The following TSHZ3 variants were observed in gnomAD, a reference collection of about 807,000 sequenced individuals.
TSHZ3 encodes teashirt zinc finger homeobox 3, also known as teashirt homolog 3.
TSHZ3 carries 10 observed loss-of-function variants against 64.5 expected under a neutral mutation model. The ratio of observed to expected loss-of-function variants is 0.16; its 90% CI spans 0.10 to 0.26. TSHZ3 has a LOEUF of 0.26. Among genes scored for constraint, TSHZ3 ranks in the 10% least tolerant of loss-of-function variants. The pLI is 1.00. For synonymous variants in TSHZ3, 608 were observed against 593.1 expected (o/e 1.03, Z -0.36); for missense variants, 1,242 against 1,421.7 (o/e 0.87, Z 2.03).
chr19:31,321,179 G>C (rs1175898470), intron 1 of TSHZ3, among the ~76,000 whole-genome samples: 1 of 152,202 alleles, frequency 6.6e-6, no homozygotes, highest in African/African-American at 2.4e-5. Context: ...ACCAAGGCCT[G>C]GCCAGCTCCT....
chr19:31,195,779 T>C lies in TSHZ3; in HGVS notation n.809+9177A>G, dbSNP rs976115530. 6.6e-5 allele frequency: 10 copies of C among 152,184 alleles called. No individual in the cohort carries two copies. In the South Asian group the frequency reaches 1.0e-3, roughly 16 times the overall value. The allele number at this position is 152,184 out of a possible 1,614,324, so 9.4% of individuals were successfully genotyped here. On this transcript the variant is annotated intron_variant and non_coding_transcript_variant, in intron 5 of 6. Transcript: ENST00000651361. ...AAAATAGCAAAAATGTATTTGATTA[T>C]GTATGTGTTTTTGTATACATGCATA... is the stretch of plus-strand genomic sequence containing the variant.
At chr19:31,323,988 G>A (rs982725287) in intron 1 of TSHZ3, among the ~76,000 whole-genome samples, 9 of 151,844 alleles carry the variant, frequency 5.9e-5, no homozygotes, top group African/African-American at 9.7e-5. Flanking sequence ...AGGCATCACC[G>A]AGGGCTCAGG....
chr19:31,278,837 G>A lies in TSHZ3; in HGVS notation c.956C>T (p.Ala319Val), dbSNP rs377716978. The A allele has an allele frequency of 9.9e-6, 16 of 1,614,054 alleles. No individual in the cohort carries two copies. The African/African-American group carries it at 2.0e-4, about 20-fold the overall frequency. Residue 319 changes from alanine (A) to valine (V), a missense_variant, in exon 2 of 2, where the codon GCC becomes GTC. Coordinates refer to ENST00000240587, the MANE Select transcript of TSHZ3 (RefSeq NM_020856.4). The surrounding 1 kb of genome is among the most constrained non-coding windows in gnomAD (Gnocchi z 4.7). ...VTPVAAKIIP[A>V]TRKKASLELE... Reference sequence around the variant, plus strand: ...CTCCAGGGAAGCTTTCTTCCGAGTGGCAGGGATGATTTTGGCGGCGACAGG... The same window carrying A: ...CTCCAGGGAAGCTTTCTTCCGAGTGACAGGGATGATTTTGGCGGCGACAGG...
intron 5 of TSHZ3, among the ~76,000 whole-genome samples, chr19:31,176,158 G>A (rs1974603686): frequency 6.6e-6 from 1 of 152,134 alleles, no homozygotes; most frequent in Admixed American, 6.5e-5. Flanking sequence ...CTGAGGCAAG[G>A]CCAGGTGGTG....
At chr19:31,210,212 A>G (rs150338902) in intron 4 of TSHZ3, among the ~76,000 whole-genome samples, 155 of 152,282 alleles carry the variant, frequency 1.0e-3, no homozygotes, top group Admixed American at 2.4e-3. Flanking sequence ...CTTGGCCTAT[A>G]GAGGCACAGG....
intron 1 of TSHZ3, among the ~76,000 whole-genome samples, chr19:31,247,855 A>AGT (rs34849874): frequency 0.018 from 2,665 of 150,580 alleles, 52 homozygotes; most frequent in African/African-American, 0.047. Context: ...ACACAATTAC[A>AGT]GTGTGTGTGT....
chr19:31,214,909 G>GAAAAAAAAA (rs950173415), intron 4 of TSHZ3, among the ~76,000 whole-genome samples: 1 of 41,856 alleles, frequency 2.4e-5, no homozygotes, highest in Non-Finnish European at 5.1e-5. Context: ...CTCTGTCTCA[G>GAAAAAAAAA]AAAAAAAAAA....
chr19:31,305,679 G>A (rs898089673), intron 1 of TSHZ3: 20 of 152,206 alleles, frequency 1.3e-4, no homozygotes, highest in African/African-American at 4.8e-4. Flanking sequence ...TGGTGATAAA[G>A]AGAGGAAAAC....
At position 31,278,950 on chromosome 19, in the gene TSHZ3, G is replaced by T; in HGVS notation, c.843C>A (p.Gly281=). The T allele has an allele frequency of 4.3e-6, 7 of 1,614,126 alleles. No individual in the cohort carries two copies. The highest frequency in any genetic ancestry group is 5.9e-6 in the Non-Finnish European group (7 of 1,180,030). The part of the protein sequence containing the change: ...AQKVLKCMYC[G]HSFESLQDLS... Reference sequence around the variant, plus strand: ...AATCCTGCAGGGACTCAAAGGAGTGGCCACAGTACATGCACTTCAGCACCT... The same window carrying T: ...AATCCTGCAGGGACTCAAAGGAGTGTCCACAGTACATGCACTTCAGCACCT... Residue 281 remains glycine (G), a synonymous_variant, in exon 2 of 2, where the codon GGC becomes GGA. Transcript: ENST00000240587. This position sits in a 1 kb window ranked among gnomAD's most constrained non-coding sequence, Gnocchi z 4.7.
At chr19:31,323,537 T>G (rs544074851) in intron 1 of TSHZ3, among the ~76,000 whole-genome samples, 8 of 152,320 alleles carry the variant, frequency 5.3e-5, no homozygotes, top group Admixed American at 2.0e-4. Flanking sequence ...TGGGTTTTGT[T>G]GTTCACCTCT....
At chr19:31,307,597 A>C (rs1336036302) in intron 1 of TSHZ3, among the ~76,000 whole-genome samples, 1 of 152,204 alleles carries the variant, frequency 6.6e-6, no homozygotes, top group East Asian at 1.9e-4. Context: ...GGCTTTCCTC[A>C]AACTCCACTT....
In TSHZ3 at chr19:31,275,733, A is replaced by C. The variant is rs1976217640; in HGVS notation, c.*814T>G. 6.6e-6 allele frequency: 1 copy of C among 152,640 alleles called. No homozygotes were observed. Among genetic ancestry groups the C allele is most frequent in the Non-Finnish European group, 1.5e-5 (1 of 68,050 alleles). The allele number at this position is 152,640 out of a possible 1,614,324, so 9.5% of individuals were successfully genotyped here. A position where few individuals can be genotyped will look rare whatever the true frequency, so the allele number is the denominator to read the frequency against. ...AGATAATGTTTCTGTATACTTTATA[A>C]ATGCTATCTGTGGTATCTTCTGTAT... On this transcript the variant is annotated 3_prime_UTR_variant, in exon 2 of 2. Coordinates refer to ENST00000240587, the MANE Select transcript of TSHZ3 (RefSeq NM_020856.4).
chr19:31,320,354 TC>T (rs1261330496), intron 1 of TSHZ3, among the ~76,000 whole-genome samples: 1 of 152,190 alleles, frequency 6.6e-6, no homozygotes, highest in Non-Finnish European at 1.5e-5. Context: ...CCATATAATA[TC>T]ACTAAGATCC....
intron 1 of TSHZ3, among the ~76,000 whole-genome samples, chr19:31,329,514 T>C (rs1265383990): frequency 1.3e-5 from 2 of 152,206 alleles, no homozygotes; most frequent in East Asian, 3.9e-4. Flanking sequence ...GGTCATCATC[T>C]TACCCCTCAC....
intron 1 of TSHZ3, among the ~76,000 whole-genome samples, chr19:31,282,979 G>T: frequency 6.6e-6 from 1 of 152,278 alleles, no homozygotes; most frequent in South Asian, 2.1e-4. Context: ...CTGAAGGTGA[G>T]AAGTATTTCC....
chr19:31,328,358 G>T (rs1336650755), intron 1 of TSHZ3, among the ~76,000 whole-genome samples: 1 of 152,256 alleles, frequency 6.6e-6, no homozygotes, highest in Non-Finnish European at 1.5e-5. Flanking sequence ...CTATAAAACA[G>T]CGGGGACTGC....
intron 1 of TSHZ3, among the ~76,000 whole-genome samples, chr19:31,265,417 A>AG (rs1216502074): frequency 8.8e-5 from 13 of 147,422 alleles, no homozygotes; most frequent in South Asian, 4.3e-4. Flanking sequence ...AAAAAAAAAA[A>AG]AAAGAAAGAA....
intron 5 of TSHZ3, among the ~76,000 whole-genome samples, chr19:31,171,582 A>C (rs1974535215): frequency 6.6e-6 from 1 of 151,584 alleles, no homozygotes; most frequent in Non-Finnish European, 1.5e-5. Context: ...TAAGACAGGG[A>C]GGGTGAATTT....
intron 3 of TSHZ3, among the ~76,000 whole-genome samples, chr19:31,240,286 A>G (rs780930003): frequency 6.6e-6 from 1 of 152,186 alleles, no homozygotes; most frequent in Non-Finnish European, 1.5e-5. Context: ...CAATATTTAT[A>G]TTAGAAAGTA....
Sources: gnomAD v4.1 joint callset for allele counts (sites outside exome capture counted in the v4.1 genomes callset) on GRCh38, gnomAD v4.1.1 for gene constraint, Gnocchi (gnomAD v3.1) non-coding constraint, MANE v1.5 for transcripts, NCBI Gene and HGNC (gene_info 2026-07-23, HGNC 2026-07-21) for gene names.